CYP4X1: variants seen among roughly 807,000 people sequenced by gnomAD.
CYP4X1 encodes cytochrome P450 family 4 subfamily X member 1.
CYP4X1 carries 44 observed loss-of-function variants against 57.9 expected under a neutral mutation model. The ratio of observed to expected loss-of-function variants is 0.76; its 90% CI spans 0.60 to 0.98. The LOEUF (loss-of-function observed/expected upper bound fraction) is 0.98, where lower values mean the gene tolerates loss of function less well. CYP4X1 is among the 50% of genes least tolerant of loss of function. CYP4X1 has a pLI of 0.00. For missense variants in CYP4X1, 532 were observed against 623.9 expected (o/e 0.85, Z 1.57); for synonymous variants, 227 against 228.6 (o/e 0.99, Z 0.06).
intron 8 of CYP4X1, among the ~76,000 whole-genome samples, chr1:47,039,920 A>G (rs986712981): frequency 1.3e-5 from 2 of 152,130 alleles, no homozygotes; most frequent in Admixed American, 1.3e-4. Flanking sequence ...GCATTATTTA[A>G]GGCTCATTTT....
the CYP4X1 span, among the ~76,000 whole-genome samples, chr1:46,979,269 C>T: frequency 2.3e-3 from 351 of 152,038 alleles, no homozygotes; most frequent in African/African-American, 4.7e-3. Context: ...ATCAAATAGA[C>T]GCAATAAAAA....
downstream of CYP4X1, among the ~76,000 whole-genome samples, chr1:47,051,208 A>G (rs183945507): frequency 3.3e-5 from 5 of 152,186 alleles, no homozygotes; most frequent in Non-Finnish European, 1.5e-5. Context: ...TTAGAATGGC[A>G]ATCATTAAAA....
chr1:47,016,107 C>T, the CYP4X1 span, among the ~76,000 whole-genome samples: 4 of 151,720 alleles, frequency 2.6e-5, no homozygotes, highest in Admixed American at 2.6e-4. Flanking sequence ...AATTTCTCAC[C>T]CTGCTGTTTC....
At chr1:47,051,994 G>T (rs1410093699), downstream of CYP4X1, among the ~76,000 whole-genome samples, 2 of 151,994 alleles carry the variant, frequency 1.3e-5, no homozygotes, top group East Asian at 3.9e-4. Flanking sequence ...ATAATTTTCT[G>T]TGTCTCTGGG....
intron 10 of CYP4X1, among the ~76,000 whole-genome samples, chr1:47,048,865 A>G (rs376671767): frequency 1.2e-3 from 182 of 152,382 alleles, no homozygotes; most frequent in African/African-American, 4.1e-3. Flanking sequence ...TACTTGTAAC[A>G]GGAAGCTGGA....
At chr1:47,050,879 C>T (rs984912548), downstream of CYP4X1, 3 of 152,110 alleles carry the variant, frequency 2.0e-5, no homozygotes, top group Non-Finnish European at 4.4e-5. Flanking sequence ...CCAAAATTGA[C>T]AAATGGGATC....
chr1:46,980,000 G>A, the CYP4X1 span, among the ~76,000 whole-genome samples: 1 of 152,130 alleles, frequency 6.6e-6, no homozygotes, highest in African/African-American at 2.4e-5. Context: ...AGCTATTTAT[G>A]ACAAACCCAC....
chr1:47,052,505 A>C (rs1403213655), downstream of CYP4X1, among the ~76,000 whole-genome samples: 2 of 152,178 alleles, frequency 1.3e-5, no homozygotes, highest in Non-Finnish European at 2.9e-5. Flanking sequence ...TAGGGGAAGC[A>C]TATATTCCCT....
chr1:46,988,461 C>A, the CYP4X1 span, among the ~76,000 whole-genome samples: 1 of 151,916 alleles, frequency 6.6e-6, no homozygotes, highest in Admixed American at 6.6e-5. Context: ...GAGGTACAAA[C>A]AGGAATGGTA....
chr1:46,962,128 TG>T, the CYP4X1 span, among the ~76,000 whole-genome samples: 1 of 152,202 alleles, frequency 6.6e-6, no homozygotes, highest in Non-Finnish European at 1.5e-5. Flanking sequence ...CTTTCTTTTT[TG>T]TTTTTCAAGA....
the CYP4X1 span, among the ~76,000 whole-genome samples, chr1:46,981,601 A>T: frequency 3.5e-4 from 54 of 152,324 alleles, no homozygotes; most frequent in East Asian, 0.01. Flanking sequence ...AGAACTAGAA[A>T]TACCATTTGA....
At chr1:46,986,543 G>A in the CYP4X1 span, among the ~76,000 whole-genome samples, 1 of 152,044 alleles carries the variant, frequency 6.6e-6, no homozygotes, top group Non-Finnish European at 1.5e-5. Flanking sequence ...ACACCACAAA[G>A]ATACTCCTCG....
intron 8 of CYP4X1, among the ~76,000 whole-genome samples, chr1:47,043,919 C>G (rs558424404): frequency 6.6e-6 from 1 of 152,122 alleles, no homozygotes; most frequent in African/African-American, 2.4e-5. Flanking sequence ...TACCTTTGCT[C>G]TCTTTTGGTT....
chr1:46,993,194 G>C, the CYP4X1 span, among the ~76,000 whole-genome samples: 20 of 148,538 alleles, frequency 1.3e-4, no homozygotes, highest in African/African-American at 5.0e-4. Context: ...TTGGTTTTTT[G>C]TCCTTGTGAT....
upstream of CYP4X1, among the ~76,000 whole-genome samples, chr1:47,020,476 G>A (rs534838142): frequency 6.6e-6 from 1 of 152,234 alleles, no homozygotes; most frequent in South Asian, 2.1e-4. Flanking sequence ...TTTCATTACT[G>A]GCTCCTTTGT....
the CYP4X1 span, among the ~76,000 whole-genome samples, chr1:46,984,651 G>A: frequency 6.6e-5 from 10 of 152,144 alleles, no homozygotes; most frequent in African/African-American, 2.4e-4. Flanking sequence ...GGGGGGCTGT[G>A]CCTTGAGGAA....
At chr1:47,029,668 T>C (rs925058118) in intron 1 of CYP4X1, among the ~76,000 whole-genome samples, 50 of 152,010 alleles carry the variant, frequency 3.3e-4, no homozygotes, top group African/African-American at 1.2e-3. Flanking sequence ...CCAATCTGAG[T>C]GTGTGATGTT....
At chr1:46,989,869 C>T in the CYP4X1 span, among the ~76,000 whole-genome samples, 1 of 152,190 alleles carries the variant, frequency 6.6e-6, no homozygotes, top group East Asian at 1.9e-4. Flanking sequence ...AAACTGGATC[C>T]CTTCCTTACA....
intron 6 of CYP4X1, among the ~76,000 whole-genome samples, chr1:47,037,103 T>C (rs1416377858): frequency 6.6e-6 from 1 of 152,162 alleles, no homozygotes; most frequent in Non-Finnish European, 1.5e-5. Context: ...GTTAATGTTT[T>C]TGTGCTTCAT....
Sources: allele counts gnomAD v4.1 joint callset (sites outside exome capture counted in the v4.1 genomes callset), GRCh38; gene constraint gnomAD v4.1.1; transcripts MANE v1.5; gene names NCBI Gene and HGNC (gene_info 2026-07-23, HGNC 2026-07-21).